The following KRABD2 variants were observed in gnomAD, a reference collection of about 807,000 sequenced individuals.
The protein encoded by KRABD2 is KRAB domain-containing protein 2.
the KRABD2 span, chr17:8,375,926 C>T: frequency 2.4e-6 from 3 of 1,229,538 alleles, no homozygotes; most frequent in Non-Finnish European, 3.0e-6. Flanking sequence ...TGGCTGTTTC[C>T]GACTCGGAAT....
the KRABD2 span, among the ~76,000 whole-genome samples, chr17:8,374,068 C>T: frequency 5.3e-5 from 8 of 151,688 alleles, no homozygotes; most frequent in Non-Finnish European, 5.9e-5. Flanking sequence ...CCCGGCCGGC[C>T]GCCCCGTCTG....
the KRABD2 span, among the ~76,000 whole-genome samples, chr17:8,363,594 C>T: frequency 6.6e-6 from 1 of 151,934 alleles, no homozygotes; most frequent in South Asian, 2.1e-4. Flanking sequence ...GTGATCCGTC[C>T]ATCTTGGCCT....
chr17:8,372,555 G>C, the KRABD2 span, among the ~76,000 whole-genome samples: 1 of 152,186 alleles, frequency 6.6e-6, no homozygotes, highest in Admixed American at 6.5e-5. This position sits in a 1 kb window ranked among gnomAD's most constrained non-coding sequence, Gnocchi z 4.1. Context: ...GCCTCCCAAA[G>C]TGTTGGAATT....
chr17:8,368,931 C>T, the KRABD2 span: 70 of 890,014 alleles, frequency 7.9e-5, no homozygotes, highest in African/African-American at 9.0e-4. Flanking sequence ...GCGCTGCGCC[C>T]GGCCAGGTTG....
At chr17:8,376,213 GC>G in the KRABD2 span, 1 of 1,231,138 alleles carries the variant, frequency 8.1e-7, no homozygotes, top group Non-Finnish European at 1.0e-6. Flanking sequence ...CAAAAATGTC[GC>G]TTACAGGTAG....
chr17:8,363,850 T>C, the KRABD2 span, among the ~76,000 whole-genome samples: 1 of 89,878 alleles, frequency 1.1e-5, no homozygotes, highest in African/African-American at 4.1e-5. Flanking sequence ...TATATATATA[T>C]ATATATATAT....
the KRABD2 span, among the ~76,000 whole-genome samples, chr17:8,363,844 T>TATATG: frequency 3.6e-5 from 3 of 84,056 alleles, no homozygotes; most frequent in Non-Finnish European, 7.3e-5. Context: ...TATATATATA[T>TATATG]ATATATATAT....
chr17:8,368,017 C>T, the KRABD2 span, among the ~76,000 whole-genome samples: 1 of 144,708 alleles, frequency 6.9e-6, no homozygotes, highest in African/African-American at 2.6e-5. Context: ...AATCCTAGCA[C>T]TTTGGGAGGC....
the KRABD2 span, among the ~76,000 whole-genome samples, chr17:8,368,003 C>T: frequency 6.8e-6 from 1 of 147,990 alleles, no homozygotes; most frequent in Non-Finnish European, 1.5e-5. Context: ...TGGCGTGTGC[C>T]TGTAATCCTA....
At chr17:8,369,930 A>T in the KRABD2 span, 1 of 1,614,222 alleles carries the variant, frequency 6.2e-7, no homozygotes. Flanking sequence ...ATATAAGACA[A>T]TAACTTCTTT....
chr17:8,362,584 G>C, the KRABD2 span, among the ~76,000 whole-genome samples: 14 of 152,202 alleles, frequency 9.2e-5, 1 homozygote, highest in Non-Finnish European at 1.5e-5. This position sits in a 1 kb window ranked among gnomAD's most constrained non-coding sequence, Gnocchi z 4.2. Context: ...TCGGTGGCTT[G>C]AAACAACAAC....
At chr17:8,367,625 T>C in the KRABD2 span, among the ~76,000 whole-genome samples, 1 of 147,134 alleles carries the variant, frequency 6.8e-6, no homozygotes, top group Non-Finnish European at 1.5e-5. Context: ...ATTGTGCCAC[T>C]GCACTCCAGC....
the KRABD2 span, chr17:8,369,695 G>C: frequency 6.2e-7 from 1 of 1,614,152 alleles, no homozygotes; most frequent in Non-Finnish European, 8.5e-7. Context: ...ACAAGACACT[G>C]ACCACCTCAT....
At chr17:8,363,826 CATACATATATATATATATAT>C in the KRABD2 span, among the ~76,000 whole-genome samples, 1 of 54,180 alleles carries the variant, frequency 1.8e-5, no homozygotes, top group South Asian at 6.2e-4. Flanking sequence ...ATATATATAT[CATACATATATATATATATAT>C]ATATATATAT....
chr17:8,373,840 G>A, the KRABD2 span: 1 of 160,558 alleles, frequency 6.2e-6, no homozygotes, highest in Admixed American at 6.5e-5. Context: ...TCTGGGAACT[G>A]AGGAGTGTCT....
At chr17:8,363,840 T>TCATACATATATATATCATAC in the KRABD2 span, among the ~76,000 whole-genome samples, 1 of 75,230 alleles carries the variant, frequency 1.3e-5, no homozygotes, top group Non-Finnish European at 2.6e-5. Flanking sequence ...CATATATATA[T>TCATACATATATATATCATAC]ATATATATAT....
chr17:8,362,119 G>T, the KRABD2 span, among the ~76,000 whole-genome samples: 1 of 152,188 alleles, frequency 6.6e-6, no homozygotes, highest in African/African-American at 2.4e-5. The surrounding 1 kb of genome is among the most constrained non-coding windows in gnomAD (Gnocchi z 4.2). Context: ...CACGAGGTCA[G>T]GAGATCAAGA....
At chr17:8,363,843 ATATATATATATATATATATT>A in the KRABD2 span, among the ~76,000 whole-genome samples, 70 of 82,030 alleles carry the variant, frequency 8.5e-4, 4 homozygotes, top group African/African-American at 2.4e-3. Flanking sequence ...ATATATATAT[ATATATATATATATATATATT>A]TATTTATTTA....
At chr17:8,371,903 G>A in the KRABD2 span, 1 of 996,794 alleles carries the variant, frequency 1.0e-6, no homozygotes, top group South Asian at 4.5e-5. Flanking sequence ...ATTCCTTAGG[G>A]AGAGAACTTG....
Sources: gnomAD v4.1 joint callset for allele counts (sites outside exome capture counted in the v4.1 genomes callset) on GRCh38, gnomAD v4.1.1 for gene constraint, Gnocchi (gnomAD v3.1) non-coding constraint, MANE v1.5 for transcripts, NCBI Gene and HGNC (gene_info 2026-07-23, HGNC 2026-07-21) for gene names.